Variants in TECPR2 observed in about 807,000 individuals in gnomAD.
TECPR2 encodes the protein tectonin beta-propeller repeat containing 2, also known as tectonin beta-propeller repeat-containing protein 2.
Under a neutral mutation model 138.1 loss-of-function variants are expected in TECPR2, and 65 were observed. The ratio of observed to expected loss-of-function variants is 0.47; its 90% CI spans 0.39 to 0.58. TECPR2 has a LOEUF of 0.58. Ranked by LOEUF, TECPR2 falls within the 20% of genes least tolerant of loss-of-function variation. The pLI, the probability that TECPR2 is intolerant of heterozygous loss-of-function variation, is 0.00. For synonymous variants in TECPR2, 746 were observed against 749.8 expected (o/e 0.99, Z 0.08); for missense variants, 1,553 against 1,824.5 (o/e 0.85, Z 2.71).
intron 17 of TECPR2, among the ~76,000 whole-genome samples, chr14:102,472,092 C>T (rs1368579932): frequency 1.3e-5 from 2 of 152,170 alleles, no homozygotes; most frequent in African/African-American, 4.8e-5. Flanking sequence ...GTGGGTTGAG[C>T]GCCCATGTGC....
At chr14:102,461,442 A>T (rs1242647989) in intron 16 of TECPR2, among the ~76,000 whole-genome samples, 2 of 152,242 alleles carry the variant, frequency 1.3e-5, no homozygotes, top group Non-Finnish European at 2.9e-5. Flanking sequence ...TTTTTGTTTT[A>T]AAATGATATG....
chr14:102,497,805 G>A (rs1415032915), intron 19 of TECPR2, 86 bp downstream of exon 19: 48 of 1,427,310 alleles, frequency 3.4e-5, no homozygotes, highest in Admixed American at 5.0e-5. Context: ...CAAAGAAGCC[G>A]ACCCCACTGG....
intron 17 of TECPR2, among the ~76,000 whole-genome samples, chr14:102,492,968 AGAGGAAAGGGATGC>A (rs1205759070): frequency 1.3e-5 from 2 of 152,206 alleles, no homozygotes; most frequent in Admixed American, 6.5e-5. Flanking sequence ...GATGGAGAGA[AGAGGAAAGGGATGC>A]GGGGTAGCCA....
At position 102,374,068 on chromosome 14, in the gene TECPR2, T is replaced by A. The variant is rs758579222; in HGVS notation, c.-72-2582T>A. 9.6e-4 allele frequency among the ~76,000 whole-genome samples: 129 copies of A among 134,302 alleles called. 2 individuals carry two copies. The highest frequency in any genetic ancestry group is 1.7e-3 in the Non-Finnish European group (111 of 64,454). 88.1% of individuals were successfully genotyped at this position (134,302 alleles called of 152,430 possible). On this transcript the variant is annotated intron_variant, in intron 1 of 19. Coordinates refer to ENST00000359520, the MANE Select transcript of TECPR2 (RefSeq NM_014844.5). Reference sequence around the variant, plus strand: ...GCTTGGGGGACAGAGCGAGATTCTGTCTCAAAAAAAAAAAAAAAAAAGAAA... The same window carrying A: ...GCTTGGGGGACAGAGCGAGATTCTGACTCAAAAAAAAAAAAAAAAAAGAAA...
intron 2 of TECPR2, 101 bp downstream of exon 2, chr14:102,377,041 A>G (rs1485022480): frequency 7.9e-7 from 1 of 1,265,176 alleles, no homozygotes; most frequent in African/African-American, 1.5e-5. Context: ...GATTTGCCAG[A>G]ATATGGCCTT....
At position 102,415,877 on chromosome 14, in the gene TECPR2, T is replaced by C. The variant is rs952891014; in HGVS notation, c.638+1084T>C. Among the ~76,000 whole-genome samples the C allele has an allele frequency of 6.6e-6, 1 of 152,054 alleles. No individual in the cohort carries two copies. Among genetic ancestry groups the C allele is most frequent in the Non-Finnish European group, 1.5e-5 (1 of 67,988 alleles). On this transcript the variant is annotated intron_variant, in intron 5 of 19. Transcript: ENST00000359520. The surrounding 1 kb of genome is among the most constrained non-coding windows in gnomAD (Gnocchi z 4.3). Reference sequence around the variant, plus strand: ...GCAGGGACTGGGAAACATGGTGAGATTGGCAGGCGTTGATGAGGCCCTGCG... The same window carrying C: ...GCAGGGACTGGGAAACATGGTGAGACTGGCAGGCGTTGATGAGGCCCTGCG...
Position 102,499,276 on chromosome 14 carries a change from A to G in TECPR2, c.*1019A>G, listed in dbSNP as rs1490310396. Reference sequence around the variant, plus strand: ...AACTAATGCTGCTGGCGGACATCCTAAAACCAGATGCATCCTCAGAGGACG... The same window carrying G: ...AACTAATGCTGCTGGCGGACATCCTGAAACCAGATGCATCCTCAGAGGACG... On this transcript the variant is annotated 3_prime_UTR_variant, in exon 20 of 20. Coordinates refer to ENST00000359520, the MANE Select transcript of TECPR2 (RefSeq NM_014844.5). The G allele has an allele frequency of 4.6e-6, 3 of 647,356 alleles. No individual in the cohort carries two copies. Among genetic ancestry groups the G allele is most frequent in the Non-Finnish European group, 8.5e-6 (3 of 352,088 alleles). 40.1% of individuals were successfully genotyped at this position (647,356 alleles called of 1,614,324 possible). A position where few individuals can be genotyped will look rare whatever the true frequency, so the allele number is the denominator to read the frequency against.
At chr14:102,445,653 C>CA (rs1320512791) in intron 12 of TECPR2, among the ~76,000 whole-genome samples, 153 bp from the exon 13 acceptor site, 1 of 152,092 alleles carries the variant, frequency 6.6e-6, no homozygotes, top group African/African-American at 2.4e-5. Context: ...AACTCAGACC[C>CA]AAACTTCCTT....
intron 2 of TECPR2, among the ~76,000 whole-genome samples, chr14:102,402,412 T>G (rs534840076): frequency 6.6e-6 from 1 of 152,254 alleles, no homozygotes; most frequent in East Asian, 1.9e-4. Context: ...AAGGAGAAAT[T>G]TATAGCTTTA....
At chr14:102,422,716 A>C (rs1889217657) in intron 5 of TECPR2, among the ~76,000 whole-genome samples, 1 of 152,228 alleles carries the variant, frequency 6.6e-6, no homozygotes, top group Admixed American at 6.5e-5. Flanking sequence ...CATCTGGGGC[A>C]CAAGGGGGCA....
At chr14:102,378,904 C>T (rs553758620) in intron 2 of TECPR2, among the ~76,000 whole-genome samples, 7 of 152,264 alleles carry the variant, frequency 4.6e-5, no homozygotes, top group African/African-American at 7.2e-5. Flanking sequence ...TGATTACAGG[C>T]GTGAGCCACC....
chr14:102,380,125 A>G (rs1208127405), intron 2 of TECPR2, among the ~76,000 whole-genome samples: 2 of 148,178 alleles, frequency 1.3e-5, no homozygotes, highest in African/African-American at 5.0e-5. Flanking sequence ...CTTAAAATCC[A>G]TGCACAGAGG....
chr14:102,467,632 A>AT (rs1555453904), intron 17 of TECPR2, among the ~76,000 whole-genome samples: 1 of 151,336 alleles, frequency 6.6e-6, no homozygotes, highest in Non-Finnish European at 1.5e-5. Context: ...GGCCTTTCCA[A>AT]TTTTTTGTTG....
intron 6 of TECPR2, among the ~76,000 whole-genome samples, chr14:102,426,986 A>C (rs908967485): frequency 6.6e-6 from 1 of 152,216 alleles, no homozygotes; most frequent in African/African-American, 2.4e-5. Flanking sequence ...GCAGAAAGAA[A>C]ACTGGCCCGG....
Position 102,425,293 on chromosome 14 carries a change from T to G in TECPR2, c.951+2T>G, listed in dbSNP as rs754519207. The stretch of plus-strand genomic sequence containing the variant: ...TATCTCCTAGACACAGTCAACCAGG[T>G]AAGTGAAGGGACGCCACCATATCTT... On this transcript the variant is annotated splice_donor_variant, in intron 6 of 19. Coordinates refer to ENST00000359520, the MANE Select transcript of TECPR2 (RefSeq NM_014844.5). LOFTEE classifies it high-confidence loss of function. The G allele has an allele frequency of 1.9e-6, 3 of 1,575,144 alleles. No individual in the cohort carries two copies. The highest frequency in any genetic ancestry group is 2.6e-6 in the Non-Finnish European group (3 of 1,158,416).
intron 5 of TECPR2, among the ~76,000 whole-genome samples, chr14:102,423,070 C>T (rs1278609031): frequency 6.6e-6 from 1 of 152,168 alleles, no homozygotes; most frequent in Non-Finnish European, 1.5e-5. Flanking sequence ...GGTTTGCAGT[C>T]CAGGGGCAAT....
intron 5 of TECPR2, 128 bp from the exon 6 acceptor site, chr14:102,424,851 G>C (rs1889271971): frequency 1.1e-6 from 1 of 920,098 alleles, no homozygotes; most frequent in East Asian, 2.5e-5. Flanking sequence ...CAGTAGAAAG[G>C]GTGAAAAATC....
At chr14:102,488,536 G>T (rs1001827216) in intron 17 of TECPR2, among the ~76,000 whole-genome samples, 3 of 151,398 alleles carry the variant, frequency 2.0e-5, no homozygotes, top group South Asian at 4.2e-4. Context: ...TAGAGACGAG[G>T]TCTCTCCATA....
chr14:102,373,587 A>C (rs1215062411), intron 1 of TECPR2, among the ~76,000 whole-genome samples: 1 of 152,236 alleles, frequency 6.6e-6, no homozygotes, highest in Admixed American at 6.5e-5. Flanking sequence ...TTATTGGGAC[A>C]TAACCCCATT....
Sources: gnomAD v4.1 joint callset for allele counts (sites outside exome capture counted in the v4.1 genomes callset) on GRCh38, gnomAD v4.1.1 for gene constraint, Gnocchi (gnomAD v3.1) non-coding constraint, MANE v1.5 for transcripts, NCBI Gene and HGNC (gene_info 2026-07-23, HGNC 2026-07-21) for gene names.